Variants in STK32B observed in about 807,000 individuals in gnomAD.
The protein encoded by STK32B is serine/threonine kinase 32B, also known as serine/threonine-protein kinase 32B.
In STK32B, 43 loss-of-function variants were observed where a neutral mutation model predicts 52.6. The ratio of observed to expected loss-of-function variants is 0.82; its 90% CI spans 0.64 to 1.05. STK32B has a LOEUF of 1.05. Ranked by LOEUF, STK32B falls within the 50% of genes least tolerant of loss-of-function variation. STK32B has a pLI of 0.00. For missense variants in STK32B, 621 were observed against 534.6 expected (o/e 1.16, Z -1.59); for synonymous variants, 238 against 204.3 (o/e 1.17, Z -1.41).
At chr4:5,160,590 T>C (rs13108591) in intron 2 of STK32B, among the ~76,000 whole-genome samples, 57,382 of 152,002 alleles carry the variant, frequency 0.38, 11,282 homozygotes, top group African/African-American at 0.47. Context: ...CCTTCTGGGG[T>C]CCCTTAGTCC....
chr4:5,078,287 A>C (rs1712204246), intron 1 of STK32B, among the ~76,000 whole-genome samples: 1 of 152,202 alleles, frequency 6.6e-6, no homozygotes, highest in Non-Finnish European at 1.5e-5. Context: ...TCCTAGATCA[A>C]CAAGGATTCA....
In STK32B at chr4:5,101,311, G is replaced by A. The variant is rs140569419; in HGVS notation, c.53-38594G>A. Among the ~76,000 whole-genome samples, 296 of 152,242 alleles carry A rather than the reference G, an allele frequency of 1.9e-3. 2 individuals carry two copies. The highest frequency in any genetic ancestry group is 5.7e-3 in the African/African-American group (238 of 41,526). On this transcript the variant is annotated intron_variant, in intron 1 of 11. Coordinates refer to ENST00000282908, the MANE Select transcript of STK32B (RefSeq NM_018401.3). ...CTGCACTGTTCCGCAGCATGCCTTC[G>A]GGGACATTGATTTAGGGATGGATGT...
intron 4 of STK32B, 100 bp downstream of exon 4, chr4:5,331,493 G>C (rs1732248639): frequency 1.5e-6 from 2 of 1,323,818 alleles, no homozygotes; most frequent in African/African-American, 1.5e-5. Flanking sequence ...TCCTTGACAT[G>C]GTTTAAAAGT....
intron 1 of STK32B, among the ~76,000 whole-genome samples, chr4:5,111,341 A>T (rs1714392494): frequency 6.6e-6 from 1 of 152,160 alleles, no homozygotes; most frequent in African/African-American, 2.4e-5. Context: ...TATTTATAAT[A>T]GCAGAGTCAC....
intron 3 of STK32B, among the ~76,000 whole-genome samples, chr4:5,175,554 T>C (rs554200402): frequency 5.9e-5 from 9 of 152,354 alleles, no homozygotes; most frequent in Admixed American, 2.6e-4. Flanking sequence ...TGTTGGAGTT[T>C]AATGGAGGTC....
intron 3 of STK32B, among the ~76,000 whole-genome samples, chr4:5,308,204 C>T (rs909684333): frequency 1.3e-5 from 2 of 152,134 alleles, no homozygotes; most frequent in Non-Finnish European, 2.9e-5. Flanking sequence ...GAGATTATGT[C>T]CTTTGTCTTC....
At chr4:5,081,177 T>C (rs963824007) in intron 1 of STK32B, among the ~76,000 whole-genome samples, 19 of 152,228 alleles carry the variant, frequency 1.2e-4, no homozygotes, top group Non-Finnish European at 2.5e-4. Flanking sequence ...GGCTGACTAA[T>C]ACGTTTAATA....
chr4:5,049,883 G>C (rs1415547165), upstream of STK32B, among the ~76,000 whole-genome samples: 3 of 152,098 alleles, frequency 2.0e-5, no homozygotes, highest in East Asian at 1.9e-4. Flanking sequence ...CCCCACGCCC[G>C]GCCTAGCACA....
chr4:5,282,835 A>G (rs1291595114), intron 3 of STK32B, among the ~76,000 whole-genome samples: 2 of 152,150 alleles, frequency 1.3e-5, no homozygotes, highest in Non-Finnish European at 2.9e-5. Flanking sequence ...ATTACTCAGA[A>G]CAGCACTCAA....
the STK32B span, among the ~76,000 whole-genome samples, chr4:5,037,263 T>C: frequency 6.6e-6 from 1 of 152,192 alleles, no homozygotes; most frequent in Non-Finnish European, 1.5e-5. Context: ...ATCACCCCTG[T>C]TGAGAAGTAC....
intron 3 of STK32B, among the ~76,000 whole-genome samples, chr4:5,265,696 A>C (rs1032714710): frequency 2.0e-5 from 3 of 152,158 alleles, no homozygotes; most frequent in Admixed American, 1.3e-4. Flanking sequence ...ACCTTTCCAC[A>C]TCTTATAACT....
At chr4:5,115,114 A>G (rs1487084001) in intron 1 of STK32B, among the ~76,000 whole-genome samples, 2 of 152,200 alleles carry the variant, frequency 1.3e-5, no homozygotes, top group East Asian at 1.9e-4. Flanking sequence ...GATTTGGGCA[A>G]TTCTCTGTGA....
rs28564642 is a variant in STK32B, at chr4:5,252,712, A to G, written c.261-78508A>G. 7.0e-3 allele frequency among the ~76,000 whole-genome samples: 1,073 copies of G among 152,348 alleles called. 11 individuals carry two copies. The highest frequency in any genetic ancestry group is 0.021 in the Admixed American group (326 of 15,296). On this transcript the variant is annotated intron_variant, in intron 3 of 11. Transcript: ENST00000282908. ...CTGTTTGAAGTCACACCTGAACACAAATCCCAGTAGTACCACTTCTAACCT... is the reference window on the plus strand; with the variant it reads ...CTGTTTGAAGTCACACCTGAACACAGATCCCAGTAGTACCACTTCTAACCT...
intron 3 of STK32B, among the ~76,000 whole-genome samples, chr4:5,328,758 C>T (rs1341945929): frequency 6.6e-6 from 1 of 152,184 alleles, no homozygotes; most frequent in Non-Finnish European, 1.5e-5. Context: ...TTACTGGAGG[C>T]AGGGTTGCCG....
intron 3 of STK32B, among the ~76,000 whole-genome samples, chr4:5,222,690 G>C (rs1276948521): frequency 6.6e-6 from 1 of 152,160 alleles, no homozygotes; most frequent in East Asian, 1.9e-4. Flanking sequence ...TCAGAGTGCT[G>C]ATAACTTCTC....
intron 2 of STK32B, among the ~76,000 whole-genome samples, chr4:5,160,778 T>C (rs1038317855): frequency 5.3e-5 from 8 of 152,292 alleles, no homozygotes; most frequent in Admixed American, 3.3e-4. Flanking sequence ...GGACAATGGA[T>C]GCACGAAGCA....
At chr4:5,303,479 G>T (rs1334256947) in intron 3 of STK32B, among the ~76,000 whole-genome samples, 3 of 151,854 alleles carry the variant, frequency 2.0e-5, no homozygotes, top group Non-Finnish European at 2.9e-5. Context: ...TTTGTATATT[G>T]TCTCTTTATA....
intron 3 of STK32B, among the ~76,000 whole-genome samples, chr4:5,316,180 T>C (rs1730681638): frequency 1.1e-5 from 1 of 90,014 alleles, no homozygotes; most frequent in East Asian, 2.7e-4. Flanking sequence ...TATATATAAC[T>C]AAATATATAT....
intron 3 of STK32B, among the ~76,000 whole-genome samples, chr4:5,324,702 CT>C (rs1166209206): frequency 3.3e-5 from 5 of 152,188 alleles, no homozygotes; most frequent in Non-Finnish European, 5.9e-5. Context: ...GGGAGCAAAA[CT>C]GCTCTGGGTT....
Sources: gnomAD v4.1 joint callset for allele counts (sites outside exome capture counted in the v4.1 genomes callset) on GRCh38, gnomAD v4.1.1 for gene constraint, MANE v1.5 for transcripts, NCBI Gene and HGNC (gene_info 2026-07-23, HGNC 2026-07-21) for gene names.